Variants in HCN1 observed in about 807,000 individuals in gnomAD.
HCN1 encodes hyperpolarization activated cyclic nucleotide gated potassium channel 1.
HCN1 carries 13 observed loss-of-function variants against 78.9 expected under a neutral mutation model. That is an observed-to-expected ratio of 0.16 (90% CI 0.11 to 0.26). HCN1 has a LOEUF of 0.26. Among genes scored for constraint, HCN1 ranks in the 10% least tolerant of loss-of-function variants. The pLI, the probability that HCN1 is intolerant of heterozygous loss-of-function variation, is 1.00. For synonymous variants in HCN1, 552 were observed against 455.5 expected (o/e 1.21, Z -2.70); for missense variants, 810 against 1,154.3 (o/e 0.70, Z 4.32).
At chr5:45,314,535 G>A (rs1745934655) in intron 5 of HCN1, among the ~76,000 whole-genome samples, 2 of 152,084 alleles carry the variant, frequency 1.3e-5, no homozygotes, top group Admixed American at 6.5e-5. Flanking sequence ...ATGTAAATGG[G>A]CTAAATGCTC....
intron 5 of HCN1, among the ~76,000 whole-genome samples, chr5:45,320,748 A>G (rs1165723699): frequency 1.3e-5 from 2 of 151,930 alleles, no homozygotes; most frequent in Non-Finnish European, 2.9e-5. Context: ...GCAAAGACAG[A>G]CATGGACATT....
intron 2 of HCN1, among the ~76,000 whole-genome samples, chr5:45,618,775 G>A (rs116661683): frequency 0.016 from 2,465 of 152,022 alleles, 66 homozygotes; most frequent in African/African-American, 0.056. Flanking sequence ...CTGATAGAGA[G>A]TCTAACTTAA....
rs193260973 is a variant in HCN1 at position 45,266,658 on chromosome 5, C to T, written c.1783+431G>A. Reference sequence around the variant, plus strand: ...CAAGAAATACGGCTACAGCTAATTGCTATTTCTACACAAATTAACAAGCAA... The same window carrying T: ...CAAGAAATACGGCTACAGCTAATTGTTATTTCTACACAAATTAACAAGCAA... On this transcript the variant is annotated intron_variant, in intron 7 of 7. Transcript: ENST00000303230. 2.2e-3 allele frequency among the ~76,000 whole-genome samples: 331 copies of T among 151,052 alleles called. 1 individual carries two copies. Among genetic ancestry groups the T allele is most frequent in the African/African-American group, 7.7e-3 (319 of 41,200 alleles).
intron 1 of HCN1, among the ~76,000 whole-genome samples, chr5:45,690,447 C>A (rs1476963459): frequency 6.6e-6 from 1 of 151,938 alleles, no homozygotes; most frequent in Non-Finnish European, 1.5e-5. Flanking sequence ...ATATTCTTTA[C>A]TTCTATATAT....
At chr5:45,533,916 G>A (rs959932828) in intron 2 of HCN1, among the ~76,000 whole-genome samples, 3 of 152,156 alleles carry the variant, frequency 2.0e-5, no homozygotes, top group South Asian at 4.1e-4. Context: ...CTGTGGGCTC[G>A]AAGCCATCTG....
chr5:45,332,544 T>G (rs1172446864), intron 5 of HCN1, among the ~76,000 whole-genome samples: 2 of 151,360 alleles, frequency 1.3e-5, no homozygotes, highest in African/African-American at 4.8e-5. Context: ...GTTCAATTGT[T>G]TTGATTTTCA....
At chr5:45,429,549 A>T (rs1248698517) in intron 3 of HCN1, among the ~76,000 whole-genome samples, 1 of 152,204 alleles carries the variant, frequency 6.6e-6, no homozygotes, top group Non-Finnish European at 1.5e-5. Flanking sequence ...AGGTGCAATC[A>T]ATTAATTGAT....
At chr5:45,692,965 T>C (rs1257617791) in intron 1 of HCN1, among the ~76,000 whole-genome samples, 1 of 152,194 alleles carries the variant, frequency 6.6e-6, no homozygotes. Flanking sequence ...TCATAGAAAT[T>C]ACTCTTAAGT....
At chr5:45,571,394 T>C (rs1225245123) in intron 2 of HCN1, among the ~76,000 whole-genome samples, 1 of 152,200 alleles carries the variant, frequency 6.6e-6, no homozygotes, top group Non-Finnish European at 1.5e-5. Context: ...TCTTTTCTTT[T>C]GGATATTTTA....
chr5:45,350,729 C>A (rs367549332), intron 5 of HCN1, among the ~76,000 whole-genome samples: 1 of 150,706 alleles, frequency 6.6e-6, no homozygotes, highest in Non-Finnish European at 1.5e-5. Context: ...TATACACCAA[C>A]AACAGACAAA....
In HCN1 at chr5:45,266,036, G is replaced by A. The variant is rs929362721; in HGVS notation, c.1783+1053C>T. Among the ~76,000 whole-genome samples, 4 of 152,124 alleles carry A rather than the reference G, an allele frequency of 2.6e-5. No homozygotes were observed. The East Asian group carries it at 7.7e-4, about 29-fold the overall frequency. On this transcript the variant is annotated intron_variant, in intron 7 of 7. Coordinates refer to ENST00000303230, the MANE Select transcript of HCN1 (RefSeq NM_021072.4). ...CTGACCAAAAAAAAGTAGAGAAGGG[G>A]AGGGTGGCAAAGAGGGTTTAGGTGT...
intron 2 of HCN1, among the ~76,000 whole-genome samples, chr5:45,514,364 G>A (rs781225569): frequency 9.2e-5 from 14 of 151,872 alleles, no homozygotes; most frequent in African/African-American, 1.7e-4. Flanking sequence ...CTCCAAAGCC[G>A]TCTCTTCCAA....
chr5:45,405,530 C>A (rs952565113), intron 3 of HCN1, among the ~76,000 whole-genome samples: 9 of 152,008 alleles, frequency 5.9e-5, no homozygotes, highest in East Asian at 1.9e-4. Context: ...GCTTCAACCT[C>A]CTGAGTAGCT....
At chr5:45,272,243 C>T (rs571799630) in intron 6 of HCN1, among the ~76,000 whole-genome samples, 155 of 152,036 alleles carry the variant, frequency 1.0e-3, no homozygotes, top group Non-Finnish European at 1.9e-3. Flanking sequence ...TTTGCCATAT[C>T]TGTGTGTATA....
intron 3 of HCN1, among the ~76,000 whole-genome samples, chr5:45,403,470 C>T (rs772430392): frequency 7.9e-5 from 12 of 152,098 alleles, no homozygotes; most frequent in Non-Finnish European, 1.3e-4. Context: ...GAAGCAAACA[C>T]GCCTTTCTTC....
chr5:45,679,548 T>TA (rs1739662063), intron 1 of HCN1, among the ~76,000 whole-genome samples: 1 of 152,020 alleles, frequency 6.6e-6, no homozygotes, highest in Non-Finnish European at 1.5e-5. Context: ...TGCATTTCAA[T>TA]AAAAATGACA....
At chr5:45,390,617 T>C (rs1014021678) in intron 4 of HCN1, among the ~76,000 whole-genome samples, 33 of 152,136 alleles carry the variant, frequency 2.2e-4, no homozygotes, top group African/African-American at 8.0e-4. Context: ...CATTCCAGCA[T>C]ATAACTTAGA....
At position 45,658,087 on chromosome 5, in the gene HCN1, A is replaced by G. The variant is rs1459970690; in HGVS notation, c.426-12479T>C. 5.9e-5 allele frequency among the ~76,000 whole-genome samples: 9 copies of G among 152,318 alleles called. No individual in the cohort carries two copies. In the East Asian group the frequency reaches 1.7e-3, roughly 29 times the overall value. On this transcript the variant is annotated intron_variant, in intron 1 of 7. Transcript: ENST00000303230. The stretch of plus-strand genomic sequence containing the variant: ...AGAGCCCTCAGAAATAACGCCGCAT[A>G]TCTACAACTATCTGATCTTTGACAA...
At chr5:45,464,344 C>G (rs994573735) in intron 2 of HCN1, among the ~76,000 whole-genome samples, 2 of 152,006 alleles carry the variant, frequency 1.3e-5, no homozygotes, top group Non-Finnish European at 2.9e-5. Flanking sequence ...TAGATTCAAG[C>G]CTATCTGCTA....
Sources: gnomAD v4.1 joint callset for allele counts (sites outside exome capture counted in the v4.1 genomes callset) on GRCh38, gnomAD v4.1.1 for gene constraint, MANE v1.5 for transcripts, NCBI Gene and HGNC (gene_info 2026-07-23, HGNC 2026-07-21) for gene names.